The following PRKAR2B variants were observed in gnomAD, a reference collection of about 807,000 sequenced individuals.
PRKAR2B encodes protein kinase cAMP-dependent type II regulatory subunit beta.
Under a neutral mutation model 49.9 loss-of-function variants are expected in PRKAR2B, and 14 were observed. The observed-to-expected ratio is 0.28, with a 90% CI of 0.19 to 0.44. The LOEUF (loss-of-function observed/expected upper bound fraction) is 0.44. Among genes scored for constraint, PRKAR2B ranks in the 20% least tolerant of loss-of-function variants. The probability of loss-of-function intolerance (pLI) is 1.00; values close to 1 mark genes in which losing one functional copy is unlikely to be tolerated. For missense variants in PRKAR2B, 393 were observed against 537.9 expected (o/e 0.73, Z 2.67); for synonymous variants, 196 against 197.7 (o/e 0.99, Z 0.07).
At chr7:107,106,274 C>G (rs1223305252) in intron 2 of PRKAR2B, among the ~76,000 whole-genome samples, 10 of 152,216 alleles carry the variant, frequency 6.6e-5, no homozygotes, top group Non-Finnish European at 4.4e-5. Flanking sequence ...GGGAACCCCT[C>G]TGGTAATCCC....
rs184778435 is a variant in PRKAR2B, at chr7:107,104,768, T to C, written c.344-17184T>C. Among the ~76,000 whole-genome samples, 52 of 152,272 alleles carry C rather than the reference T, an allele frequency of 3.4e-4. No individual in the cohort carries two copies. The South Asian group carries it at 3.9e-3, about 12-fold the overall frequency. ...CAAAAGCAAAAGTATACTGGAAATA[T>C]AGTGGGAGTCTGGGTGCAAATGTGT... On this transcript the variant is annotated intron_variant, in intron 2 of 10. Coordinates refer to ENST00000265717, the MANE Select transcript of PRKAR2B (RefSeq NM_002736.3).
intron 1 of PRKAR2B, among the ~76,000 whole-genome samples, chr7:107,054,375 C>G (rs1793871052): frequency 6.6e-6 from 1 of 151,838 alleles, no homozygotes. Context: ...AAACAAAAAC[C>G]ACGGTATATA....
At chr7:107,085,894 G>T (rs142127026) in intron 2 of PRKAR2B, among the ~76,000 whole-genome samples, 5 of 152,120 alleles carry the variant, frequency 3.3e-5, no homozygotes, top group Non-Finnish European at 7.4e-5. Context: ...ACATCTACAG[G>T]ATATATTTTT....
chr7:107,062,961 TTTTAA>T (rs1471458636), intron 1 of PRKAR2B, among the ~76,000 whole-genome samples: 2 of 152,144 alleles, frequency 1.3e-5, no homozygotes. Context: ...GTACTATATA[TTTTAA>T]TTTATGGGTT....
At chr7:107,086,311 G>A (rs141480687) in intron 2 of PRKAR2B, among the ~76,000 whole-genome samples, 4 of 152,046 alleles carry the variant, frequency 2.6e-5, no homozygotes, top group East Asian at 3.9e-4. Context: ...TTCATTATCC[G>A]TAAAATGTGG....
intron 4 of PRKAR2B, among the ~76,000 whole-genome samples, chr7:107,134,672 T>G (rs1372271515): frequency 6.6e-6 from 1 of 152,168 alleles, no homozygotes; most frequent in Admixed American, 6.5e-5. Flanking sequence ...ATTGAGAATC[T>G]AAAAATAAAC....
intron 5 of PRKAR2B, among the ~76,000 whole-genome samples, chr7:107,144,400 T>C (rs914658941): frequency 6.6e-6 from 1 of 151,928 alleles, no homozygotes; most frequent in African/African-American, 2.4e-5. Context: ...AAGCCAATTA[T>C]TTTCTTCTGT....
intron 2 of PRKAR2B, among the ~76,000 whole-genome samples, chr7:107,089,094 G>C (rs904137825): frequency 6.6e-6 from 1 of 152,072 alleles, no homozygotes; most frequent in Non-Finnish European, 1.5e-5. Context: ...GCTTGAACCT[G>C]GGAGGTGGAG....
intron 2 of PRKAR2B, among the ~76,000 whole-genome samples, chr7:107,075,013 T>C (rs941726779): frequency 3.3e-5 from 5 of 152,134 alleles, no homozygotes; most frequent in Non-Finnish European, 7.4e-5. Flanking sequence ...TCTTTGAGTT[T>C]AATTTTATTT....
chr7:107,110,112 G>C (rs1056658142), intron 2 of PRKAR2B, among the ~76,000 whole-genome samples: 4 of 152,198 alleles, frequency 2.6e-5, no homozygotes, highest in South Asian at 2.1e-4. Context: ...GGGAGACAGA[G>C]AGAGTGTAGC....
At chr7:107,134,137 T>C (rs1795655373) in intron 4 of PRKAR2B, among the ~76,000 whole-genome samples, 1 of 152,156 alleles carries the variant, frequency 6.6e-6, no homozygotes, top group Admixed American at 6.5e-5. Context: ...CAAGTGATTC[T>C]TGTACCTCAG....
intron 2 of PRKAR2B, among the ~76,000 whole-genome samples, chr7:107,071,055 A>G (rs924846250): frequency 2.0e-5 from 3 of 152,340 alleles, no homozygotes; most frequent in South Asian, 2.1e-4. Context: ...GAGTTTGGGC[A>G]TTGAGATAAA....
At chr7:107,145,733 A>ATTT (rs916332834) in intron 5 of PRKAR2B, among the ~76,000 whole-genome samples, 151 of 93,340 alleles carry the variant, frequency 1.6e-3, no homozygotes, top group African/African-American at 4.8e-3. Flanking sequence ...TCTTCAGATG[A>ATTT]TTTTTTTTTT....
intron 6 of PRKAR2B, among the ~76,000 whole-genome samples, chr7:107,147,933 A>G (rs781481294): frequency 3.9e-5 from 6 of 152,238 alleles, no homozygotes; most frequent in Non-Finnish European, 2.9e-5. Flanking sequence ...TCTGAAGTCA[A>G]TTCAGCTGAT....
At chr7:107,101,228 CGTTT>C (rs1174566047) in intron 2 of PRKAR2B, among the ~76,000 whole-genome samples, 2 of 134,424 alleles carry the variant, frequency 1.5e-5, no homozygotes, top group Non-Finnish European at 1.6e-5. Flanking sequence ...TTCTGCTTTT[CGTTT>C]GTTTGTTTTT....
At chr7:107,071,479 A>G (rs1424587105) in intron 2 of PRKAR2B, among the ~76,000 whole-genome samples, 4 of 151,294 alleles carry the variant, frequency 2.6e-5, no homozygotes, top group Non-Finnish European at 5.9e-5. Flanking sequence ...GTAGATTGTA[A>G]TGCCTTTTGT....
chr7:107,077,790 C>CTG (rs1554364623), intron 2 of PRKAR2B: 1 of 152,184 alleles, frequency 6.6e-6, no homozygotes, highest in East Asian at 1.9e-4. Context: ...AAAAGTGTCT[C>CTG]TGTGTGTGTG....
At chr7:107,088,788 C>G (rs532578935) in intron 2 of PRKAR2B, among the ~76,000 whole-genome samples, 1 of 151,998 alleles carries the variant, frequency 6.6e-6, no homozygotes. Flanking sequence ...TTAGTAGACC[C>G]GTGGTTTTGC....
intron 1 of PRKAR2B, among the ~76,000 whole-genome samples, chr7:107,055,142 T>G (rs1432783864): frequency 6.6e-6 from 1 of 152,250 alleles, no homozygotes; most frequent in Non-Finnish European, 1.5e-5. Context: ...GGACATGAAC[T>G]GATCCTTTTT....
Sources: allele counts gnomAD v4.1 joint callset (sites outside exome capture counted in the v4.1 genomes callset), GRCh38; gene constraint gnomAD v4.1.1; transcripts MANE v1.5; gene names NCBI Gene and HGNC (gene_info 2026-07-23, HGNC 2026-07-21).